Variants in EEIG1 observed in about 807,000 individuals in gnomAD.
EEIG1 encodes early estrogen-induced gene 1 protein.
the EEIG1 span, among the ~76,000 whole-genome samples, chr9:127,955,844 G>A: frequency 6.6e-6 from 1 of 152,236 alleles, no homozygotes; most frequent in Non-Finnish European, 1.5e-5. Context: ...CCAAGGCGGT[G>A]ACAAGGGTCA....
At chr9:127,968,407 C>A in the EEIG1 span, among the ~76,000 whole-genome samples, 1 of 152,170 alleles carries the variant, frequency 6.6e-6, no homozygotes, top group Non-Finnish European at 1.5e-5. Flanking sequence ...GTCTTAGGTT[C>A]CTGTCTCCCA....
chr9:127,942,902 C>A, the EEIG1 span: 9 of 483,876 alleles, frequency 1.9e-5, 1 homozygote, highest in Admixed American at 3.0e-4. Context: ...CTTGCCAGCT[C>A]CTTCTTGCCC....
the EEIG1 span, among the ~76,000 whole-genome samples, chr9:127,969,033 C>T: frequency 6.6e-6 from 1 of 152,238 alleles, no homozygotes; most frequent in African/African-American, 2.4e-5. Flanking sequence ...AAGAGCCTGG[C>T]CTTGGTCTTG....
At chr9:127,969,279 G>A in the EEIG1 span, among the ~76,000 whole-genome samples, 1 of 152,200 alleles carries the variant, frequency 6.6e-6, no homozygotes, top group Non-Finnish European at 1.5e-5. Flanking sequence ...GGCAGGGACG[G>A]TTGTCTTGGC....
the EEIG1 span, among the ~76,000 whole-genome samples, chr9:127,946,271 A>G: frequency 6.6e-6 from 1 of 152,196 alleles, no homozygotes; most frequent in African/African-American, 2.4e-5. Context: ...GGACATGGTG[A>G]GGGCGAGCGG....
chr9:127,944,717 C>T, the EEIG1 span: 11 of 1,612,034 alleles, frequency 6.8e-6, no homozygotes, highest in African/African-American at 2.7e-5. Flanking sequence ...GGAGGCTGAG[C>T]GCGGCAGGGC....
the EEIG1 span, among the ~76,000 whole-genome samples, chr9:127,975,177 G>C: frequency 6.6e-6 from 1 of 152,234 alleles, no homozygotes; most frequent in Admixed American, 6.5e-5. Context: ...GCCTCCCCAG[G>C]GACTGGGCCT....
the EEIG1 span, chr9:127,944,868 C>A: frequency 1.2e-6 from 2 of 1,612,422 alleles, no homozygotes; most frequent in Non-Finnish European, 1.7e-6. Context: ...CCACCCAGGT[C>A]GGGTGGCTCT....
At chr9:127,949,111 C>T in the EEIG1 span, among the ~76,000 whole-genome samples, 44 of 152,044 alleles carry the variant, frequency 2.9e-4, no homozygotes, top group African/African-American at 8.4e-4. Flanking sequence ...GTCAGGGGCT[C>T]GAGACCATCC....
the EEIG1 span, chr9:127,945,361 C>G: frequency 6.3e-7 from 1 of 1,577,840 alleles, no homozygotes; most frequent in Middle Eastern, 2.3e-4. This position sits in a 1 kb window ranked among gnomAD's most constrained non-coding sequence, Gnocchi z 6.5. Flanking sequence ...AAGCAGTAGG[C>G]CTCACCTGAA....
chr9:127,947,378 G>A, the EEIG1 span, among the ~76,000 whole-genome samples: 2 of 152,040 alleles, frequency 1.3e-5, no homozygotes, highest in African/African-American at 2.4e-5. Flanking sequence ...AGAGGTTGCA[G>A]TGAGGTGAGA....
chr9:127,951,957 C>T, the EEIG1 span, among the ~76,000 whole-genome samples: 5 of 152,216 alleles, frequency 3.3e-5, no homozygotes, highest in African/African-American at 1.2e-4. Context: ...CTCAGGGCCT[C>T]AGTTTCCTCC....
chr9:127,979,010 G>C, the EEIG1 span, among the ~76,000 whole-genome samples: 1 of 151,858 alleles, frequency 6.6e-6, no homozygotes, highest in African/African-American at 2.4e-5. Context: ...GAGTTAAATC[G>C]CGTCCCCCCA....
chr9:127,948,884 G>A, the EEIG1 span, among the ~76,000 whole-genome samples: 1 of 152,224 alleles, frequency 6.6e-6, no homozygotes, highest in East Asian at 1.9e-4. Context: ...TGAAGCCATT[G>A]CAAACTAACA....
chr9:127,949,318 A>AG, the EEIG1 span, among the ~76,000 whole-genome samples: 1 of 150,806 alleles, frequency 6.6e-6, no homozygotes, highest in Non-Finnish European at 1.5e-5. Context: ...TCTCAAAAAA[A>AG]AAAAAAAAAA....
At chr9:127,943,783 T>G in the EEIG1 span, 1 of 156,454 alleles carries the variant, frequency 6.4e-6, no homozygotes. Context: ...GCCCCTCAGT[T>G]TCCTTCTTGC....
chr9:127,944,401 G>C, the EEIG1 span: 1 of 602,960 alleles, frequency 1.7e-6, no homozygotes, highest in Non-Finnish European at 3.0e-6. Context: ...CACCGAACCT[G>C]TCCGTGCCCT....
chr9:127,978,491 C>A, the EEIG1 span, among the ~76,000 whole-genome samples: 1 of 151,912 alleles, frequency 6.6e-6, no homozygotes, highest in African/African-American at 2.4e-5. Context: ...CCCAGGCACT[C>A]GGCCAGGCCC....
chr9:127,979,917 C>T, the EEIG1 span: 1 of 1,508,670 alleles, frequency 6.6e-7, no homozygotes, highest in Non-Finnish European at 8.9e-7. Flanking sequence ...CCCAAGGGGC[C>T]CTTCCACACT....
Sources: allele counts gnomAD v4.1 joint callset (sites outside exome capture counted in the v4.1 genomes callset), GRCh38; gene constraint gnomAD v4.1.1; non-coding constraint Gnocchi (gnomAD v3.1); transcripts MANE v1.5; gene names NCBI Gene and HGNC (gene_info 2026-07-23, HGNC 2026-07-21).